Variants in MAST2 observed in about 807,000 individuals in gnomAD.
The protein encoded by MAST2 is microtubule-associated serine/threonine-protein kinase 2.
Under a neutral mutation model 147.4 loss-of-function variants are expected in MAST2, and 70 were observed. That is an observed-to-expected ratio of 0.47 (90% confidence interval 0.39 to 0.58). The LOEUF (loss-of-function observed/expected upper bound fraction) is 0.58, where lower values mean the gene tolerates loss of function less well. Ranked by LOEUF, MAST2 falls within the 20% of genes least tolerant of loss-of-function variation. The pLI is 0.00. For synonymous variants in MAST2, 869 were observed against 896.8 expected (o/e 0.97, Z 0.55); for missense variants, 2,080 against 2,302.3 (o/e 0.90, Z 1.98).
At chr1:46,011,102 C>A in intron 10 of MAST2, 163 bp downstream of exon 10, 1 of 622,244 alleles carries the variant, frequency 1.6e-6, no homozygotes, top group Non-Finnish European at 2.8e-6. Flanking sequence ...CCTCAGTCCC[C>A]TGCAATACTG....
chr1:45,812,435 T>C (rs1305926913), intron 1 of MAST2, among the ~76,000 whole-genome samples: 1 of 150,800 alleles, frequency 6.6e-6, no homozygotes, highest in East Asian at 1.9e-4. Context: ...CTTTTTTTTT[T>C]TTTTTTTTTT....
intron 5 of MAST2, among the ~76,000 whole-genome samples, chr1:45,974,874 A>G (rs1288923689): frequency 6.6e-6 from 1 of 152,242 alleles, no homozygotes; most frequent in African/African-American, 2.4e-5. Context: ...AGAAGGCATG[A>G]TAAAAAGAAT....
At chr1:45,999,843 A>T (rs1287683929) in intron 6 of MAST2, among the ~76,000 whole-genome samples, 7 of 152,222 alleles carry the variant, frequency 4.6e-5, no homozygotes, top group Non-Finnish European at 7.3e-5. Flanking sequence ...TCTTATTTGC[A>T]TATTTTCTGT....
In MAST2 at chr1:46,035,167, G is replaced by T; in HGVS notation, c.4498G>T (p.Glu1500Ter). 1 of 1,613,994 alleles carries T rather than the reference G, an allele frequency of 6.2e-7. No homozygotes were observed. The highest frequency in any genetic ancestry group is 8.5e-7 in the Non-Finnish European group (1 of 1,180,034). Residue 1500 changes from glutamate to a stop codon, truncating the protein, a stop_gained, in exon 29 of 29, where the codon GAG becomes TAG. Transcript: ENST00000361297. LOFTEE classifies it low-confidence loss of function (END_TRUNC). This position sits in a 1 kb window ranked among gnomAD's most constrained non-coding sequence, Gnocchi z 5.5. ...ESLQKQEAIR[E>*]VDSSEDDTEE... ...GCTGCAGAAGCAAGAAGCCATTCGT[G>T]AGGTGGACTCCTCAGAGGACGACAC...
rs114884451 is a variant in MAST2 at position 45,961,304 on chromosome 1, C to T, written c.592+1827C>T. ...CACATCCTAGATTTTTAGAGAAACT[C>T]AGCATACATCTATCTGACCTGACCT... On this transcript the variant is annotated intron_variant, in intron 5 of 28. Transcript: ENST00000361297. Among the ~76,000 whole-genome samples the T allele has an allele frequency of 3.5e-3, 534 of 152,320 alleles. 2 individuals carry two copies. Among genetic ancestry groups the T allele is most frequent in the African/African-American group, 0.012 (485 of 41,574 alleles).
chr1:45,948,410 A>G (rs546493343), intron 4 of MAST2, among the ~76,000 whole-genome samples: 1 of 152,210 alleles, frequency 6.6e-6, no homozygotes, highest in African/African-American at 2.4e-5. Context: ...ATTATTTAAA[A>G]AATTATATGG....
At chr1:45,950,720 C>T (rs1279803839) in intron 4 of MAST2, among the ~76,000 whole-genome samples, 1 of 152,114 alleles carries the variant, frequency 6.6e-6, no homozygotes, top group East Asian at 1.9e-4. Context: ...TACAAAATTA[C>T]AAACCAACCA....
chr1:45,892,853 CA>C (rs1214975172), intron 4 of MAST2, among the ~76,000 whole-genome samples: 1 of 152,108 alleles, frequency 6.6e-6, no homozygotes, highest in Non-Finnish European at 1.5e-5. Flanking sequence ...AAGGCCAGTC[CA>C]AAAACTTATA....
chr1:45,890,738 A>C (rs1450357798), intron 4 of MAST2, among the ~76,000 whole-genome samples: 2 of 152,236 alleles, frequency 1.3e-5, no homozygotes, highest in African/African-American at 2.4e-5. Context: ...TGTGCGGTAC[A>C]ATATGCTGAT....
chr1:45,831,419 A>G (rs1644952461), intron 3 of MAST2, among the ~76,000 whole-genome samples: 1 of 152,132 alleles, frequency 6.6e-6, no homozygotes, highest in African/African-American at 2.4e-5. Context: ...GTGGGAGGCT[A>G]ATTTTTGGAT....
At chr1:45,811,870 G>A (rs1344013195) in intron 1 of MAST2, among the ~76,000 whole-genome samples, 9 of 152,022 alleles carry the variant, frequency 5.9e-5, no homozygotes, top group Non-Finnish European at 1.2e-4. Context: ...TCCTGACCTC[G>A]TGATCCGCCT....
Position 45,829,520 on chromosome 1 carries a change from A to G in MAST2, c.407A>G (p.Asn136Ser). ...VTWQSSGEAS[N>S]LVRMRNQSLG... ...TGGCAGTCGTCAGGAGAAGCATCAA[A>G]CCTGGTTCGAATGAGAAACCAGTCC... Residue 136 changes from asparagine (N) to serine (S), a missense_variant, in exon 3 of 29, where the codon AAC (asparagine) becomes AGC (serine). Physicochemically the swap from Asn to Ser is conservative, Grantham distance 46 (BLOSUM62 1). Coordinates refer to ENST00000361297, the MANE Select transcript of MAST2 (RefSeq NM_015112.3). The G allele has an allele frequency of 6.2e-7, 1 of 1,614,162 alleles. No individual in the cohort carries two copies. The highest frequency in any genetic ancestry group is 1.1e-5 in the South Asian group (1 of 91,082).
At chr1:45,977,493 A>G (rs1267742079) in intron 5 of MAST2, among the ~76,000 whole-genome samples, 1 of 148,072 alleles carries the variant, frequency 6.8e-6, no homozygotes, top group African/African-American at 2.5e-5. Flanking sequence ...TATCTCAAAC[A>G]AACAAACAAA....
intron 5 of MAST2, among the ~76,000 whole-genome samples, chr1:45,992,506 A>G (rs937710302): frequency 1.3e-5 from 2 of 152,068 alleles, no homozygotes; most frequent in African/African-American, 2.4e-5. Context: ...TTTTCTTACA[A>G]TATCTTTATT....
intron 4 of MAST2, chr1:45,917,464 C>A: frequency 7.3e-7 from 1 of 1,366,598 alleles, no homozygotes; most frequent in African/African-American, 1.5e-5. Flanking sequence ...TCTCCTCTTG[C>A]CATTTTCCTG....
chr1:45,818,433 TG>T (rs1428420145), intron 1 of MAST2, among the ~76,000 whole-genome samples: 2 of 152,184 alleles, frequency 1.3e-5, no homozygotes, highest in Non-Finnish European at 2.9e-5. Flanking sequence ...CATGTCACAG[TG>T]TGATCGAGAA....
chr1:45,910,861 T>G (rs1009843483), intron 4 of MAST2, among the ~76,000 whole-genome samples: 3 of 152,198 alleles, frequency 2.0e-5, no homozygotes, highest in Non-Finnish European at 4.4e-5. Flanking sequence ...TCTGATATAG[T>G]TGCCTCTCTT....
chr1:45,922,373 A>G (rs758529079), intron 4 of MAST2, among the ~76,000 whole-genome samples: 4 of 152,156 alleles, frequency 2.6e-5, no homozygotes, highest in Non-Finnish European at 5.9e-5. Flanking sequence ...GCTGCTGTTC[A>G]TGGTGACCAG....
intron 5 of MAST2, among the ~76,000 whole-genome samples, chr1:45,973,128 T>G (rs549614236): frequency 1.2e-4 from 18 of 152,278 alleles, no homozygotes; most frequent in Non-Finnish European, 2.4e-4. Flanking sequence ...ATTACTCTCT[T>G]CAGTTCTACT....
Sources: gnomAD v4.1 joint callset for allele counts (sites outside exome capture counted in the v4.1 genomes callset) on GRCh38, gnomAD v4.1.1 for gene constraint, Gnocchi (gnomAD v3.1) non-coding constraint, MANE v1.5 for transcripts, NCBI Gene and HGNC (gene_info 2026-07-23, HGNC 2026-07-21) for gene names.